The following RYR2 variants were observed in gnomAD, a reference collection of about 807,000 sequenced individuals.
The protein encoded by RYR2 is cardiac muscle ryanodine receptor-calcium release channel.
In RYR2, 227 loss-of-function variants were observed where a neutral mutation model predicts 601.1. That is an observed-to-expected ratio of 0.38 (90% CI 0.34 to 0.42). The LOEUF is 0.42. RYR2 is among the 10% of genes least tolerant of loss of function. The pLI is 1.00. For missense variants in RYR2, 4,646 were observed against 6,156.5 expected (o/e 0.75, Z 8.21); for synonymous variants, 2,223 against 2,175.1 (o/e 1.02, Z -0.61).
intron 80 of RYR2, among the ~76,000 whole-genome samples, chr1:237,743,223 C>A (rs1320714084): frequency 6.6e-6 from 1 of 151,952 alleles, no homozygotes; most frequent in Non-Finnish European, 1.5e-5. Flanking sequence ...TAAAGTGGAC[C>A]CACAAAAACG....
chr1:237,441,756 C>T (rs1027920099), intron 13 of RYR2, among the ~76,000 whole-genome samples: 2 of 152,132 alleles, frequency 1.3e-5, no homozygotes, highest in South Asian at 2.1e-4. Flanking sequence ...AGTTTAGTAC[C>T]GTTCACTTTG....
chr1:237,548,078 A>G (rs1224697296), intron 25 of RYR2, among the ~76,000 whole-genome samples: 2 of 152,238 alleles, frequency 1.3e-5, no homozygotes, highest in Non-Finnish European at 2.9e-5. Flanking sequence ...CAGGAAGAGA[A>G]ATCTCTAAAA....
intron 34 of RYR2, among the ~76,000 whole-genome samples, chr1:237,601,361 A>G (rs377436041): frequency 7.2e-5 from 11 of 152,166 alleles, no homozygotes; most frequent in African/African-American, 2.7e-4. Context: ...TTGCCCACTC[A>G]TATGTAGAAT....
intron 26 of RYR2, among the ~76,000 whole-genome samples, chr1:237,549,030 A>G (rs937817303): frequency 1.6e-4 from 25 of 152,330 alleles, no homozygotes; most frequent in Admixed American, 5.9e-4. Flanking sequence ...ATGTATATAC[A>G]TAACAACCTT....
chr1:237,594,885 G>GGTTTTTTTTTTGTTTTTTGTTTTTT (rs1675637767), intron 33 of RYR2, among the ~76,000 whole-genome samples: 2 of 79,048 alleles, frequency 2.5e-5, no homozygotes, highest in African/African-American at 1.4e-4. Flanking sequence ...AATATCACTG[G>GGTTTTTTTTTTGTTTTTTGTTTTTT]GTTTTTTTTT....
At chr1:237,451,434 G>T (rs956216837) in intron 14 of RYR2, among the ~76,000 whole-genome samples, 17 of 151,996 alleles carry the variant, frequency 1.1e-4, no homozygotes, top group Non-Finnish European at 2.9e-5. Context: ...TTAGCTGGAT[G>T]TGGTGGGCAT....
At chr1:237,087,411 A>T (rs1666464212) in intron 1 of RYR2, among the ~76,000 whole-genome samples, 1 of 152,144 alleles carries the variant, frequency 6.6e-6, no homozygotes, top group Non-Finnish European at 1.5e-5. Flanking sequence ...ATGATGAATC[A>T]TCTGATTTTA....
intron 48 of RYR2, among the ~76,000 whole-genome samples, chr1:237,645,899 C>T (rs1270330875): frequency 2.1e-5 from 3 of 141,918 alleles, no homozygotes; most frequent in South Asian, 2.2e-4. Flanking sequence ...TTTTTTGAGA[C>T]GGAGTCTCAC....
chr1:237,331,723 C>T (rs1012429159), intron 3 of RYR2, among the ~76,000 whole-genome samples: 2 of 151,268 alleles, frequency 1.3e-5, no homozygotes, highest in Admixed American at 1.3e-4. Flanking sequence ...ACCATGTTGG[C>T]CAGGATGGTC....
intron 3 of RYR2, among the ~76,000 whole-genome samples, chr1:237,350,571 CAAAAAAAAAAAAAAAAAA>C (rs1167546068): frequency 3.0e-4 from 8 of 26,962 alleles, no homozygotes; most frequent in African/African-American, 7.6e-4. Context: ...GACTCTGTCT[CAAAAAAAAAAAAAAAAAA>C]AAAAAAAAAA....
In RYR2 at chr1:237,221,554, C is replaced by T. The variant is rs914911217; in HGVS notation, c.49-48943C>T. ...ATGAAAACACGGGGAAATTTCAGGA[C>T]ATCTCAAACATTGTGCTAATAACAC... On this transcript the variant is annotated intron_variant, in intron 1 of 104. Transcript: ENST00000366574. 2.6e-5 allele frequency among the ~76,000 whole-genome samples: 4 copies of T among 152,306 alleles called. No homozygotes were observed. The East Asian group carries it at 5.8e-4, about 22-fold the overall frequency.
intron 31 of RYR2, 135 bp downstream of exon 31, chr1:237,591,127 TCCTCCC>T (rs1675122544): frequency 1.5e-5 from 1 of 64,540 alleles, no homozygotes; most frequent in East Asian, 1.8e-4. Context: ...CCCCTTCTCC[TCCTCCC>T]CCTCCTCCTC....
chr1:237,679,326 G>A (rs181682048), intron 61 of RYR2, among the ~76,000 whole-genome samples: 13 of 152,080 alleles, frequency 8.5e-5, no homozygotes, highest in South Asian at 2.1e-4. Flanking sequence ...TAATTCATTC[G>A]TTTACCATAT....
At chr1:237,360,002 A>C (rs1006174595) in intron 4 of RYR2, among the ~76,000 whole-genome samples, 1 of 152,200 alleles carries the variant, frequency 6.6e-6, no homozygotes, top group Non-Finnish European at 1.5e-5. Context: ...TGTCTTACAC[A>C]TGTATTTTCT....
At chr1:237,271,867 A>T (rs542228420) in intron 2 of RYR2, among the ~76,000 whole-genome samples, 38 of 152,300 alleles carry the variant, frequency 2.5e-4, no homozygotes, top group African/African-American at 7.9e-4. Context: ...ACGGTGTCTC[A>T]TGCCTGTAGT....
intron 1 of RYR2, among the ~76,000 whole-genome samples, chr1:237,197,661 GA>G (rs953740303): frequency 6.6e-6 from 1 of 152,200 alleles, no homozygotes; most frequent in Non-Finnish European, 1.5e-5. Flanking sequence ...AATGAGGGTG[GA>G]AGGGATTGCA....
chr1:237,590,787 G>A lies in RYR2; in HGVS notation c.3955G>A (p.Ala1319Thr), dbSNP rs376526841. ...CGCGGAGGTCTTCTCCAAGACGGTGGCTGGAGGGCTCCCTGGGGCTGGCCT... is the reference window on the plus strand; with the variant it reads ...CGCGGAGGTCTTCTCCAAGACGGTGACTGGAGGGCTCCCTGGGGCTGGCCT... The part of the protein sequence containing the change: ...ECAEVFSKTV[A>T]GGLPGAGLFG... Residue 1319 changes from alanine (A) to threonine (T), a missense_variant, in exon 31 of 105, where the codon GCT becomes ACT. This residue lies in a region of RYR2 where 1,807 missense variants were observed against 2,088.1 expected (regional missense o/e 0.87). Transcript: ENST00000366574. The A allele has an allele frequency of 7.4e-6, 12 of 1,613,794 alleles. No individual in the cohort carries two copies. Among genetic ancestry groups the A allele is most frequent in the Non-Finnish European group, 1.0e-5 (12 of 1,179,868 alleles).
intron 17 of RYR2, among the ~76,000 whole-genome samples, chr1:237,474,199 A>ATGTGTGTGTG (rs1196821377): frequency 9.6e-4 from 103 of 107,808 alleles, no homozygotes; most frequent in African/African-American, 2.6e-3. Flanking sequence ...ACGTGTGTAT[A>ATGTGTGTGTG]TATGTGTGTG....
chr1:237,313,460 T>A (rs898667749), intron 2 of RYR2, among the ~76,000 whole-genome samples: 1 of 152,166 alleles, frequency 6.6e-6, no homozygotes. Context: ...GAAGTAAAGG[T>A]TGGAGTGATG....
Sources: gnomAD v4.1 joint callset for allele counts (sites outside exome capture counted in the v4.1 genomes callset) on GRCh38, gnomAD v4.1.1 for gene constraint, gnomAD v4.1.1 regional missense constraint, MANE v1.5 for transcripts, NCBI Gene and HGNC (gene_info 2026-07-23, HGNC 2026-07-21) for gene names.